The following PRKDC variants were observed in gnomAD, a reference collection of about 807,000 sequenced individuals.
PRKDC encodes the protein DNA-dependent protein kinase catalytic subunit.
A neutral mutation model predicts 486.9 loss-of-function variants in PRKDC; 82 were observed. The observed-to-expected ratio is 0.17, with a 90% CI of 0.14 to 0.20. The LOEUF (loss-of-function observed/expected upper bound fraction) is 0.20, where lower values mean the gene tolerates loss of function less well. PRKDC is among the 10% of genes least tolerant of loss of function. The pLI is 1.00. For missense variants in PRKDC, 4,504 were observed against 5,038.2 expected (o/e 0.89, Z 3.21); for synonymous variants, 1,895 against 1,837.0 (o/e 1.03, Z -0.81).
At chr8:47,930,919 G>T in intron 16 of PRKDC, 132 bp from the exon 17 acceptor site, 1 of 819,856 alleles carries the variant, frequency 1.2e-6, no homozygotes, top group Non-Finnish European at 1.9e-6. Context: ...GAAAGACCAA[G>T]ATGGGTGCTC....
intron 66 of PRKDC, among the ~76,000 whole-genome samples, chr8:47,820,467 C>T (rs2087563621): frequency 6.6e-6 from 1 of 151,462 alleles, no homozygotes; most frequent in South Asian, 2.1e-4. Context: ...AAAAATGAAA[C>T]CTTTCTAAAA....
chr8:47,926,788 T>C (rs557937047), intron 21 of PRKDC: 1 of 153,850 alleles, frequency 6.5e-6, no homozygotes, highest in African/African-American at 2.4e-5. Flanking sequence ...ACCAGTTATG[T>C]TTTAAAAAGC....
At chr8:47,839,127 C>G (rs1197039423) in intron 56 of PRKDC, 21 bp downstream of exon 56, 1 of 1,573,064 alleles carries the variant, frequency 6.4e-7, no homozygotes, top group Admixed American at 1.7e-5. Context: ...TTTAATTGTC[C>G]CAGCCCAGTT....
chr8:47,951,188 T>A (rs1214426014), intron 7 of PRKDC, among the ~76,000 whole-genome samples: 2 of 151,914 alleles, frequency 1.3e-5, no homozygotes, highest in Admixed American at 1.3e-4. Flanking sequence ...GGGGAAACCA[T>A]GTCTCTTCAA....
intron 25 of PRKDC, among the ~76,000 whole-genome samples, chr8:47,907,647 G>C (rs925519054): frequency 2.1e-5 from 3 of 144,716 alleles, no homozygotes; most frequent in Non-Finnish European, 4.5e-5. Context: ...TGATTCTCCT[G>C]TCTCAGCCTC....
chr8:47,922,933 C>T (rs759704876), intron 21 of PRKDC, among the ~76,000 whole-genome samples: 1 of 152,040 alleles, frequency 6.6e-6, no homozygotes, highest in Non-Finnish European at 1.5e-5. Context: ...GGACAAATCT[C>T]GGAAAGCGAC....
chr8:47,782,139 G>A lies in PRKDC; in HGVS notation c.11489+23C>T, dbSNP rs1316041616. The A allele has an allele frequency of 1.3e-6, 2 of 1,593,208 alleles. No homozygotes were observed. The highest frequency in any genetic ancestry group is 2.2e-5 in the South Asian group (2 of 90,662). On this transcript the variant is annotated intron_variant, in intron 80 of 85. Coordinates refer to ENST00000314191, the MANE Select transcript of PRKDC (RefSeq NM_006904.7). The surrounding 1 kb of genome is among the most constrained non-coding windows in gnomAD (Gnocchi z 4.9). ...GTGAGGGGAGGCGACTGCTGGGGGA[G>A]CAGGGCGTGTGGCCGCCCTTACCTC...
At chr8:47,956,962 A>G (rs1346453683) in intron 3 of PRKDC, among the ~76,000 whole-genome samples, 1 of 120,716 alleles carries the variant, frequency 8.3e-6, no homozygotes, top group Non-Finnish European at 1.7e-5. Flanking sequence ...GGGCAACAAG[A>G]GCAAAACTCC....
chr8:47,858,400 C>G, intron 48 of PRKDC, 116 bp downstream of exon 48: 1 of 1,083,018 alleles, frequency 9.2e-7, no homozygotes, highest in Non-Finnish European at 1.3e-6. Flanking sequence ...TTATATTTTC[C>G]TTTTTTGTGT....
rs953978665 is a variant in PRKDC, at chr8:47,828,058, TA to T, written c.8577+109del. 24 of 1,078,716 alleles carry T rather than the reference TA, an allele frequency of 2.2e-5. No individual in the cohort carries two copies. In the African/African-American group the frequency reaches 3.5e-4, roughly 16 times the overall value. The allele number at this position is 1,078,716 out of a possible 1,614,324, so 66.8% of individuals were successfully genotyped here. ...ACCCAAATAGTACATCTTACTCTGT[TA>T]AACACCAGGTTATCAAGAGTCTCAA... On this transcript the variant is annotated intron_variant, in intron 62 of 85. Transcript: ENST00000314191.
intron 65 of PRKDC, among the ~76,000 whole-genome samples, chr8:47,821,178 C>T (rs1444891958): frequency 1.3e-5 from 2 of 152,108 alleles, no homozygotes; most frequent in African/African-American, 4.8e-5. Flanking sequence ...ATGGGAACTA[C>T]TTTTGGCTGG....
chr8:47,935,313 A>C (rs1369394326), intron 13 of PRKDC, among the ~76,000 whole-genome samples: 1 of 152,126 alleles, frequency 6.6e-6, no homozygotes, highest in Non-Finnish European at 1.5e-5. Flanking sequence ...CAGCCTAGCC[A>C]ATATGGTGAA....
In PRKDC at chr8:47,881,819, T is replaced by G. The variant is rs532621314; in HGVS notation, c.4962+93A>C. 3 of 1,126,504 alleles carry G rather than the reference T, an allele frequency of 2.7e-6. No individual in the cohort carries two copies. The African/African-American group carries it at 4.7e-5, about 18-fold the overall frequency. 69.8% of individuals were successfully genotyped at this position (1,126,504 alleles called of 1,614,324 possible). A position where few individuals can be genotyped will look rare whatever the true frequency, so the allele number is the denominator to read the frequency against. ...AATATTTTCTTATTTGTCAAACCAATGAGCTTTTGGAGCAACCTCCATCAA... is the reference window on the plus strand; with the variant it reads ...AATATTTTCTTATTTGTCAAACCAAGGAGCTTTTGGAGCAACCTCCATCAA... On this transcript the variant is annotated intron_variant, in intron 37 of 85. Transcript: ENST00000314191.
At chr8:47,928,335 T>G (rs1395168290) in intron 19 of PRKDC, among the ~76,000 whole-genome samples, 1 of 151,818 alleles carries the variant, frequency 6.6e-6, no homozygotes, top group Non-Finnish European at 1.5e-5. Context: ...GTATTTTTAG[T>G]ACAGATGGGA....
At chr8:47,878,873 A>C (rs1255899925) in intron 39 of PRKDC, among the ~76,000 whole-genome samples, 1 of 152,146 alleles carries the variant, frequency 6.6e-6, no homozygotes, top group Non-Finnish European at 1.5e-5. Flanking sequence ...AAAAACACCA[A>C]TGTATTTCAT....
intron 6 of PRKDC, 33 bp downstream of exon 6, chr8:47,953,774 T>G (rs755775259): frequency 2.5e-6 from 4 of 1,577,800 alleles, no homozygotes; most frequent in Non-Finnish European, 3.5e-6. Flanking sequence ...CAACCACATC[T>G]ATGGAAGCAG....
intron 25 of PRKDC, among the ~76,000 whole-genome samples, chr8:47,905,314 C>A (rs563653316): frequency 2.0e-5 from 3 of 152,146 alleles, no homozygotes; most frequent in Admixed American, 6.5e-5. Flanking sequence ...CAGGTATGAG[C>A]CACCATCCCC....
intron 85 of PRKDC, among the ~76,000 whole-genome samples, chr8:47,774,919 C>A (rs963607603): frequency 2.0e-5 from 3 of 152,004 alleles, no homozygotes; most frequent in Non-Finnish European, 4.4e-5. Context: ...TGAGCCACTG[C>A]ATTAGCCCCA....
At chr8:47,799,520 GA>G (rs1375925546) in intron 71 of PRKDC, 130 bp from the exon 72 acceptor site, 69 of 935,578 alleles carry the variant, frequency 7.4e-5, no homozygotes, top group Admixed American at 8.9e-5. Context: ...TATGGAACTG[GA>G]AAAACAAGAG....
Sources: gnomAD v4.1 joint callset for allele counts (sites outside exome capture counted in the v4.1 genomes callset) on GRCh38, gnomAD v4.1.1 for gene constraint, Gnocchi (gnomAD v3.1) non-coding constraint, MANE v1.5 for transcripts, NCBI Gene and HGNC (gene_info 2026-07-23, HGNC 2026-07-21) for gene names.